GPC6: variants seen among roughly 807,000 people sequenced by gnomAD.
The protein encoded by GPC6 is glypican 6, also known as glypican-6.
GPC6 carries 14 observed loss-of-function variants against 55.2 expected under a neutral mutation model. The observed-to-expected ratio is 0.25, with a 90% CI of 0.17 to 0.40. GPC6 has a LOEUF of 0.40. Ranked by LOEUF, GPC6 falls within the 10% of genes least tolerant of loss-of-function variation. The pLI is 1.00. For missense variants in GPC6, 641 were observed against 708.5 expected (o/e 0.90, Z 1.08); for synonymous variants, 278 against 259.6 (o/e 1.07, Z -0.68).
intron 1 of GPC6, among the ~76,000 whole-genome samples, chr13:93,328,041 C>T (rs1879718508): frequency 1.3e-5 from 2 of 151,580 alleles, no homozygotes; most frequent in Non-Finnish European, 2.9e-5. Context: ...TTATTTTTTT[C>T]CTTCCAAATG....
chr13:93,957,595 T>C (rs1879564860), intron 3 of GPC6, among the ~76,000 whole-genome samples: 1 of 152,242 alleles, frequency 6.6e-6, no homozygotes, highest in Non-Finnish European at 1.5e-5. Flanking sequence ...ATGGTATATA[T>C]GTACCACAGT....
chr13:93,624,270 T>C (rs914898560), intron 2 of GPC6, among the ~76,000 whole-genome samples: 1 of 152,164 alleles, frequency 6.6e-6, no homozygotes, highest in African/African-American at 2.4e-5. Flanking sequence ...ACCCAGTAAC[T>C]AGCAGCACAG....
At chr13:93,970,652 T>A (rs555177935) in intron 3 of GPC6, among the ~76,000 whole-genome samples, 1 of 152,316 alleles carries the variant, frequency 6.6e-6, no homozygotes, top group South Asian at 2.1e-4. Context: ...GTCACTCATG[T>A]TTATCACCCC....
At chr13:93,681,884 A>G (rs1320770279) in intron 2 of GPC6, among the ~76,000 whole-genome samples, 3 of 152,082 alleles carry the variant, frequency 2.0e-5, no homozygotes, top group Admixed American at 6.6e-5. Context: ...GGTTACATTG[A>G]TTTTTAGCTG....
intron 4 of GPC6, among the ~76,000 whole-genome samples, chr13:94,200,313 T>C (rs943848371): frequency 1.3e-4 from 20 of 152,320 alleles, no homozygotes; most frequent in African/African-American, 4.6e-4. Flanking sequence ...TAGGTCTATC[T>C]CTAACACCAG....
intron 4 of GPC6, among the ~76,000 whole-genome samples, chr13:94,174,269 G>C (rs1212217230): frequency 6.6e-6 from 1 of 152,104 alleles, no homozygotes; most frequent in Non-Finnish European, 1.5e-5. Context: ...AACCTAGTTA[G>C]GTTTAATTAG....
intron 3 of GPC6, among the ~76,000 whole-genome samples, chr13:93,841,560 A>G (rs1157622351): frequency 6.6e-6 from 1 of 152,218 alleles, no homozygotes; most frequent in African/African-American, 2.4e-5. Context: ...GTCTAAATCA[A>G]ATAACCAAGA....
chr13:93,955,173 T>A (rs1249353020), intron 3 of GPC6, among the ~76,000 whole-genome samples: 1 of 151,706 alleles, frequency 6.6e-6, no homozygotes, highest in Non-Finnish European at 1.5e-5. Flanking sequence ...CCACCACATC[T>A]TTTGATATCT....
At chr13:93,287,821 C>T (rs1878186420) in intron 1 of GPC6, among the ~76,000 whole-genome samples, 1 of 152,016 alleles carries the variant, frequency 6.6e-6, no homozygotes, top group Non-Finnish European at 1.5e-5. Context: ...AGTTTATTGT[C>T]AATTAAAATA....
intron 7 of GPC6, among the ~76,000 whole-genome samples, chr13:94,388,422 G>A (rs1369034205): frequency 6.6e-6 from 1 of 152,164 alleles, no homozygotes; most frequent in African/African-American, 2.4e-5. Context: ...ACAATGAATT[G>A]CATAGGCTTC....
At chr13:94,151,849 T>C (rs1461876962) in intron 4 of GPC6, among the ~76,000 whole-genome samples, 1 of 152,112 alleles carries the variant, frequency 6.6e-6, no homozygotes, top group Non-Finnish European at 1.5e-5. Flanking sequence ...TAGTGCAGAG[T>C]AAGTAACATA....
At chr13:93,757,571 T>G (rs1252680681) in intron 2 of GPC6, among the ~76,000 whole-genome samples, 2 of 152,162 alleles carry the variant, frequency 1.3e-5, no homozygotes, top group Non-Finnish European at 2.9e-5. Context: ...CAGTGAACAT[T>G]GCTTGGTTAT....
At position 94,211,263 on chromosome 13, in the gene GPC6, G is replaced by C. The variant is rs1237512897; in HGVS notation, c.878-75086G>C. Among the ~76,000 whole-genome samples the C allele has an allele frequency of 2.6e-5, 4 of 152,060 alleles. No homozygotes were observed. In the South Asian group the frequency reaches 6.2e-4, roughly 24 times the overall value. ...ACTTTAGTTGCCTAAAATAACAAAT[G>C]AATCTTTTGAGAAGAGCTTATTTAT... On this transcript the variant is annotated intron_variant, in intron 4 of 8. Coordinates refer to ENST00000377047, the MANE Select transcript of GPC6 (RefSeq NM_005708.5).
chr13:93,818,102 T>C (rs901301320), intron 2 of GPC6, among the ~76,000 whole-genome samples: 1 of 147,924 alleles, frequency 6.8e-6, no homozygotes, highest in African/African-American at 2.5e-5. Flanking sequence ...GTATATATTA[T>C]ATATAATAAT....
chr13:93,523,381 GTA>G (rs58567664), intron 1 of GPC6, among the ~76,000 whole-genome samples: 42,390 of 150,718 alleles, frequency 0.28, 6,115 homozygotes, highest in South Asian at 0.32. Context: ...GTATATGTAT[GTA>G]TGTGTATATA....
chr13:93,781,000 G>A (rs746037542), intron 2 of GPC6, among the ~76,000 whole-genome samples: 2 of 152,022 alleles, frequency 1.3e-5, no homozygotes, highest in East Asian at 1.9e-4. Context: ...ATAATTGGCC[G>A]GGTGCGGTGG....
At chr13:93,614,319 G>A (rs1878626231) in intron 2 of GPC6, among the ~76,000 whole-genome samples, 1 of 152,160 alleles carries the variant, frequency 6.6e-6, no homozygotes, top group Admixed American at 6.5e-5. Flanking sequence ...ACATTTTGAT[G>A]TATGTATCCC....
intron 2 of GPC6, among the ~76,000 whole-genome samples, chr13:93,748,178 T>A (rs1884464220): frequency 1.3e-5 from 2 of 152,202 alleles, no homozygotes; most frequent in South Asian, 4.1e-4. Flanking sequence ...TTGTTCAAAT[T>A]TGATTGATAG....
intron 3 of GPC6, among the ~76,000 whole-genome samples, chr13:93,972,719 A>G (rs1259433958): frequency 1.3e-5 from 2 of 152,184 alleles, no homozygotes; most frequent in African/African-American, 4.8e-5. Flanking sequence ...AGAGAATGCT[A>G]TTGGAAATCT....
Sources: gnomAD v4.1 joint callset for allele counts (sites outside exome capture counted in the v4.1 genomes callset) on GRCh38, gnomAD v4.1.1 for gene constraint, MANE v1.5 for transcripts, NCBI Gene and HGNC (gene_info 2026-07-23, HGNC 2026-07-21) for gene names.